Variants in LINC01488 observed in about 807,000 individuals in gnomAD.
LINC01488 encodes long independently transcribed non-coding RNA 1488, also known as CCND1-upstream intergenic DNA repair 1.
At chr11:69,489,570 A>AG (rs1857183598) in intron 1 of LINC01488, among the ~76,000 whole-genome samples, 2 of 152,258 alleles carry the variant, frequency 1.3e-5, no homozygotes, top group Admixed American at 1.3e-4. Context: ...CTTGTTAAGA[A>AG]TAGCCTGGGG....
chr11:69,486,977 C>T (rs978242604), intron 1 of LINC01488, among the ~76,000 whole-genome samples: 5 of 152,206 alleles, frequency 3.3e-5, no homozygotes, highest in South Asian at 2.1e-4. Context: ...CGCGTTAACC[C>T]GAAAAGCCGT....
intron 1 of LINC01488, among the ~76,000 whole-genome samples, chr11:69,486,458 A>T (rs894403586): frequency 3.3e-5 from 5 of 152,196 alleles, no homozygotes; most frequent in Non-Finnish European, 4.4e-5. Context: ...TTGGCTTGTG[A>T]TTCCAAAACC....
At chr11:69,492,249 G>A (rs2134978196) in exon 4 of LINC01488, 1 of 152,324 alleles carries the variant, frequency 6.6e-6, no homozygotes, top group East Asian at 1.9e-4. Context: ...GCAGGGTTCT[G>A]AACTGAGTGG....
rs895209027 is a variant in LINC01488, at chr11:69,491,222, G to A, written n.357G>A. 9 of 152,334 alleles carry A rather than the reference G, an allele frequency of 5.9e-5. No individual in the cohort carries two copies. The East Asian group carries it at 1.5e-3, about 26-fold the overall frequency. The allele number at this position is 152,334 out of a possible 1,614,324, so 9.4% of individuals were successfully genotyped here. On this transcript the variant is annotated non_coding_transcript_exon_variant, in exon 3 of 4. Transcript: ENST00000644563. ...GGTGAGGTGAAGGTGTGGGAGCAGG[G>A]ACACAGCATGAAGGAGTAGATGGCC... is the stretch of plus-strand genomic sequence containing the variant.
At chr11:69,489,001 G>A (rs1857170977) in intron 1 of LINC01488, among the ~76,000 whole-genome samples, 1 of 152,356 alleles carries the variant, frequency 6.6e-6, no homozygotes, top group East Asian at 1.9e-4. Flanking sequence ...GGAAATCAAG[G>A]AAGAAAAGGC....
chr11:69,487,325 C>T (rs1857140837), intron 1 of LINC01488, among the ~76,000 whole-genome samples: 3 of 152,278 alleles, frequency 2.0e-5, no homozygotes, highest in African/African-American at 2.4e-5. Context: ...GAGGGAGCCC[C>T]GTGAGGGCTG....
intron 1 of LINC01488, among the ~76,000 whole-genome samples, chr11:69,484,581 A>G (rs775688394): frequency 6.6e-6 from 1 of 152,238 alleles, no homozygotes; most frequent in Non-Finnish European, 1.5e-5. Flanking sequence ...AAGGACCTCT[A>G]GTGTGAAACG....
At chr11:69,487,313 G>A (rs1231821357) in intron 1 of LINC01488, among the ~76,000 whole-genome samples, 1 of 152,232 alleles carries the variant, frequency 6.6e-6, no homozygotes, top group Non-Finnish European at 1.5e-5. Context: ...GCATGGGAAG[G>A]AGAGGGAGCC....
At chr11:69,481,734 C>T (rs1390767060) in exon 1 of LINC01488, 1 of 152,314 alleles carries the variant, frequency 6.6e-6, no homozygotes, top group Non-Finnish European at 1.5e-5. Context: ...CTGAGGACAC[C>T]TGCAGGAGAT....
At chr11:69,489,185 C>A (rs2134973743) in intron 1 of LINC01488, among the ~76,000 whole-genome samples, 1 of 152,196 alleles carries the variant, frequency 6.6e-6, no homozygotes, top group Non-Finnish European at 1.5e-5. Flanking sequence ...GGGGTCTCCC[C>A]ACCGCAGACC....
chr11:69,490,722 A>C (rs1448087723), intron 2 of LINC01488: 1 of 152,208 alleles, frequency 6.6e-6, no homozygotes, highest in Non-Finnish European at 1.5e-5. Context: ...CTAGGGTTAT[A>C]CTTTCGGCCT....
rs115490542 is a variant in LINC01488, at chr11:69,482,842, G to A, written n.122+1059G>A. Among the ~76,000 whole-genome samples, 1,222 of 152,226 alleles carry A rather than the reference G, an allele frequency of 8.0e-3. 19 individuals carry two copies. Among genetic ancestry groups the A allele is most frequent in the African/African-American group, 0.028 (1,144 of 41,518 alleles). On this transcript the variant is annotated intron_variant and non_coding_transcript_variant, in intron 1 of 3. Coordinates refer to ENST00000644563, the Ensembl canonical transcript of LINC01488. ...CTTCTGCAGTCTCTTTCCTTGGCTCGTAGACAGCATCTTCTCCTCACATTT... is the reference window on the plus strand; with the variant it reads ...CTTCTGCAGTCTCTTTCCTTGGCTCATAGACAGCATCTTCTCCTCACATTT...
At chr11:69,483,796 A>G (rs987044475) in intron 1 of LINC01488, among the ~76,000 whole-genome samples, 4 of 151,670 alleles carry the variant, frequency 2.6e-5, no homozygotes, top group South Asian at 2.1e-4. Context: ...CTGGCAAGGA[A>G]GCTGACAATA....
chr11:69,484,274 G>C (rs932314728), intron 1 of LINC01488, among the ~76,000 whole-genome samples: 23 of 152,300 alleles, frequency 1.5e-4, no homozygotes, highest in African/African-American at 5.3e-4. Flanking sequence ...AGCGCTGCCC[G>C]GTGAGAGGAC....
Position 69,489,636 on chromosome 11 carries a change from G to A in LINC01488, n.123-859G>A, listed in dbSNP as rs184898627. Among the ~76,000 whole-genome samples the A allele has an allele frequency of 2.3e-4, 35 of 152,376 alleles. No homozygotes were observed. The South Asian group carries it at 2.9e-3, about 13-fold the overall frequency. On this transcript the variant is annotated intron_variant and non_coding_transcript_variant, in intron 1 of 3. Transcript: ENST00000644563. Reference sequence around the variant, plus strand: ...CTGCGGACTCCCATGCACCGGTAGCGGGTGCTCCAAGGGCCGAGAGGCGTC... The same window carrying A: ...CTGCGGACTCCCATGCACCGGTAGCAGGTGCTCCAAGGGCCGAGAGGCGTC...
chr11:69,484,571 A>G (rs552456930), intron 1 of LINC01488, among the ~76,000 whole-genome samples: 2 of 152,384 alleles, frequency 1.3e-5, no homozygotes, highest in Non-Finnish European at 2.9e-5. Context: ...CACAGCTTTT[A>G]AGGACCTCTA....
intron 1 of LINC01488, among the ~76,000 whole-genome samples, chr11:69,484,382 G>C (rs1857081714): frequency 1.3e-5 from 2 of 152,188 alleles, no homozygotes; most frequent in South Asian, 4.1e-4. Flanking sequence ...CTGCACCCCT[G>C]CTGTGGGCCC....
At chr11:69,487,180 A>C (rs1419088808) in intron 1 of LINC01488, among the ~76,000 whole-genome samples, 2 of 152,122 alleles carry the variant, frequency 1.3e-5, no homozygotes, top group Non-Finnish European at 2.9e-5. Context: ...TGTGTCCCCA[A>C]GGCTTGGGTG....
intron 1 of LINC01488, among the ~76,000 whole-genome samples, chr11:69,486,546 G>A (rs1316013203): frequency 6.6e-6 from 1 of 152,236 alleles, no homozygotes; most frequent in Admixed American, 6.5e-5. Context: ...GCTTGCTCCA[G>A]AGAAGACACG....
Sources: gnomAD v4.1 joint callset for allele counts (sites outside exome capture counted in the v4.1 genomes callset) on GRCh38, gnomAD v4.1.1 for gene constraint, MANE v1.5 for transcripts, NCBI Gene and HGNC (gene_info 2026-07-23, HGNC 2026-07-21) for gene names.